PCDHGB2: variants seen among roughly 807,000 people sequenced by gnomAD.
PCDHGB2 encodes the protein protocadherin gamma-B2.
A neutral mutation model predicts 59.3 loss-of-function variants in PCDHGB2; 55 were observed. That is an observed-to-expected ratio of 0.93 (90% CI 0.75 to 1.16). The LOEUF (loss-of-function observed/expected upper bound fraction) is 1.16. PCDHGB2 is among the 50% of genes most tolerant of loss of function. PCDHGB2 has a pLI of 0.00. For synonymous variants in PCDHGB2, 516 were observed against 512.0 expected, an observed-to-expected ratio of 1.01 and a Z score of -0.11; for missense variants, 1,228 against 1,198.5, an observed-to-expected ratio of 1.02 and a Z score of -0.36.
chr5:141,360,352 G>T lies in PCDHGB2; in HGVS notation c.217G>T (p.Glu73Ter), dbSNP rs1361866062. 6.2e-7 allele frequency: 1 copy of T among 1,613,894 alleles called. No individual in the cohort carries two copies. The highest frequency in any genetic ancestry group is 1.7e-5 in the Admixed American group (1 of 60,024). ...GAAGCTGCGGGTTAGCGCGGAGAAG[G>T]AATATTTCACAGTAAACCCAGAAAG... ...ARKLRVSAEK[E>*]YFTVNPESGD... Residue 73 changes from glutamate (E) to a stop codon, truncating the protein, a stop_gained, in exon 1 of 4, where the codon GAA becomes TAA. Coordinates refer to ENST00000522605, the MANE Select transcript of PCDHGB2 (RefSeq NM_018923.3). LOFTEE classifies it high-confidence loss of function.
chr5:141,388,447 G>C (rs775979306), intron 1 of PCDHGB2: 2 of 1,613,802 alleles, frequency 1.2e-6, no homozygotes, highest in Non-Finnish European at 1.7e-6. Flanking sequence ...AAATCAGATG[G>C]CAGTAAATAC....
At position 141,403,513 on chromosome 5, in the gene PCDHGB2, T is replaced by G. The variant is rs754840157; in HGVS notation, c.2421+40957T>G. ...CCCTGAACGTGCAGACTGGAGACAATGGAGCCATAAACCCAGAGCTGGTGC... is the reference window on the plus strand; with the variant it reads ...CCCTGAACGTGCAGACTGGAGACAAGGGAGCCATAAACCCAGAGCTGGTGC... On this transcript the variant is annotated intron_variant, in intron 1 of 3. Coordinates refer to ENST00000522605, the MANE Select transcript of PCDHGB2 (RefSeq NM_018923.3). 8.1e-5 allele frequency: 131 copies of G among 1,613,832 alleles called. 1 individual carries two copies. In the African/African-American group the frequency reaches 1.2e-3, roughly 15 times the overall value.
chr5:141,414,556 T>G, intron 1 of PCDHGB2: 2 of 1,613,990 alleles, frequency 1.2e-6, no homozygotes, highest in Non-Finnish European at 1.7e-6. Flanking sequence ...TCAAGTCTCC[T>G]ACTTTACCTA....
rs757926227 is a variant in PCDHGB2, at chr5:141,432,889, G to A, written c.2422-61918G>A. 1.6e-5 allele frequency: 26 copies of A among 1,614,180 alleles called. No individual in the cohort carries two copies. In the East Asian group the frequency reaches 5.8e-4, roughly 36 times the overall value. On this transcript the variant is annotated intron_variant, in intron 1 of 3. Transcript: ENST00000522605. This position sits in a 1 kb window ranked among gnomAD's most constrained non-coding sequence, Gnocchi z 6.0. ...GCGTCTTCCTGGCCTTCGTCATCTT[G>A]CTGCTGGCGCTCAGGCTGCGGCGCT...
At position 141,362,242 on chromosome 5, in the gene PCDHGB2, T is replaced by C. The variant is rs759010180; in HGVS notation, c.2107T>C (p.Phe703Leu). 12 of 1,613,924 alleles carry C rather than the reference T, an allele frequency of 7.4e-6. No homozygotes were observed. The South Asian group carries it at 8.8e-5, about 12-fold the overall frequency. The change falls in exon 1 of 4, where the codon TTC (phenylalanine) becomes CTC (leucine). Residue 703 changes from phenylalanine to leucine, a missense_variant. Physicochemically the swap from Phe to Leu is conservative, Grantham distance 22. Transcript: ENST00000522605. ...GGCCTTGGCCTTGATCTCAGTGCTC[T>C]TCTTCCTCGCGGTGATTCTGGCAAT... is the stretch of plus-strand genomic sequence containing the variant. ...VVALALISVL[F>L]FLAVILAISL...
rs188953728 is a variant in PCDHGB2, at chr5:141,448,550, T to A, written c.2422-46257T>A. Among the ~76,000 whole-genome samples, 304 of 152,316 alleles carry A rather than the reference T, an allele frequency of 2.0e-3. 1 individual carries two copies. Among genetic ancestry groups the A allele is most frequent in the African/African-American group, 6.6e-3 (275 of 41,578 alleles). On this transcript the variant is annotated intron_variant, in intron 1 of 3. Transcript: ENST00000522605. ...CCTGTCAGCATTTCTTATGCAAATA[T>A]GTACATATATTTTTATTTCCCCATT...
At position 141,390,023 on chromosome 5, in the gene PCDHGB2, G is replaced by C. The variant is rs2092020127; in HGVS notation, c.2421+27467G>C. ...TGATTCTGGCCATTGCCTTGCGCCT[G>C]CGACGCTCCTCCAGCCCCGCCTCCT... On this transcript the variant is annotated intron_variant, in intron 1 of 3. Transcript: ENST00000522605. The C allele has an allele frequency of 1.9e-6, 3 of 1,613,908 alleles. No individual in the cohort carries two copies. In the African/African-American group the frequency reaches 4.0e-5, roughly 22 times the overall value.
chr5:141,470,969 A>T (rs62379203), intron 1 of PCDHGB2, among the ~76,000 whole-genome samples: 1 of 151,298 alleles, frequency 6.6e-6, no homozygotes, highest in Non-Finnish European at 1.5e-5. Flanking sequence ...CTCCCACCTC[A>T]GCCTCCCAAA....
Position 141,491,300 on chromosome 5 carries a change from G to A in PCDHGB2, c.2422-3507G>A, listed in dbSNP as rs2099710472. On this transcript the variant is annotated intron_variant, in intron 1 of 3. Coordinates refer to ENST00000522605, the MANE Select transcript of PCDHGB2 (RefSeq NM_018923.3). This position sits in a 1 kb window ranked among gnomAD's most constrained non-coding sequence, Gnocchi z 6.9. ...GACTTCCTCATACACCCTCCTGAGC[G>A]TTCAGACCTTACCCTTTACCTCATT... 1 of 1,614,136 alleles carries A rather than the reference G, an allele frequency of 6.2e-7. No homozygotes were observed. The highest frequency in any genetic ancestry group is 1.1e-5 in the South Asian group (1 of 91,086).
intron 1 of PCDHGB2, among the ~76,000 whole-genome samples, chr5:141,436,350 C>T (rs1034303123): frequency 5.9e-5 from 9 of 152,126 alleles, no homozygotes; most frequent in Non-Finnish European, 1.3e-4. Flanking sequence ...TCAGTGACTT[C>T]AATCAACTAT....
intron 1 of PCDHGB2, chr5:141,390,391 T>C: frequency 7.1e-7 from 1 of 1,399,002 alleles, no homozygotes; most frequent in Non-Finnish European, 9.8e-7. Flanking sequence ...ATGTCATGGA[T>C]CATTTTAGGA....
At chr5:141,430,911 A>T (rs544678317) in intron 1 of PCDHGB2, 4 of 1,607,840 alleles carry the variant, frequency 2.5e-6, no homozygotes, top group Non-Finnish European at 3.4e-6. Context: ...ATCTCCAGGG[A>T]CCTGGGGCTG....
Position 141,487,928 on chromosome 5 carries a change from A to G in PCDHGB2, c.2422-6879A>G. Reference sequence around the variant, plus strand: ...GGGAGCACAGGAGGCTACAGTGCACAGGGTACAGTGCACCAGGCAGTCACT... The same window carrying G: ...GGGAGCACAGGAGGCTACAGTGCACGGGGTACAGTGCACCAGGCAGTCACT... On this transcript the variant is annotated intron_variant, in intron 1 of 3. Transcript: ENST00000522605. The surrounding 1 kb of genome is among the most constrained non-coding windows in gnomAD (Gnocchi z 5.0). The G allele has an allele frequency of 3.2e-6, 2 of 620,886 alleles. No homozygotes were observed. The highest frequency in any genetic ancestry group is 5.6e-6 in the Non-Finnish European group (2 of 355,916). The allele number at this position is 620,886 out of a possible 1,614,324, so 38.5% of individuals were successfully genotyped here. A position where few individuals can be genotyped will look rare whatever the true frequency, so the allele number is the denominator to read the frequency against.
chr5:141,468,351 A>T (rs1030472813), intron 1 of PCDHGB2: 1 of 149,190 alleles, frequency 6.7e-6, no homozygotes, highest in East Asian at 2.0e-4. Flanking sequence ...AAAAAAAAAG[A>T]AAGAAAAAAG....
At chr5:141,383,175 G>A in intron 1 of PCDHGB2, 1 of 1,614,114 alleles carries the variant, frequency 6.2e-7, no homozygotes, top group Non-Finnish European at 8.5e-7. Flanking sequence ...GGATAGACCG[G>A]GAAGAGATCT....
intron 1 of PCDHGB2, among the ~76,000 whole-genome samples, chr5:141,381,235 C>T (rs760639728): frequency 6.6e-6 from 1 of 152,270 alleles, no homozygotes; most frequent in Non-Finnish European, 1.5e-5. Context: ...ACCAACTACT[C>T]TCCAGGACCT....
chr5:141,446,469 T>C (rs538381725), intron 1 of PCDHGB2, among the ~76,000 whole-genome samples: 2 of 149,740 alleles, frequency 1.3e-5, no homozygotes, highest in South Asian at 4.2e-4. Flanking sequence ...TGATTAGACA[T>C]ATGGTCATCA....
Position 141,487,399 on chromosome 5 carries a change from G to A in PCDHGB2, c.2422-7408G>A. 1.2e-6 allele frequency: 2 copies of A among 1,614,140 alleles called. No homozygotes were observed. Among genetic ancestry groups the A allele is most frequent in the South Asian group, 1.1e-5 (1 of 91,088 alleles). On this transcript the variant is annotated intron_variant, in intron 1 of 3. Coordinates refer to ENST00000522605, the MANE Select transcript of PCDHGB2 (RefSeq NM_018923.3). The surrounding 1 kb of genome is among the most constrained non-coding windows in gnomAD (Gnocchi z 5.0). ...TCACCAGATCTCGAAGGAGGGAGGGGCTTCCCCCTTCCAATGGGATCCTCC... is the reference window on the plus strand; with the variant it reads ...TCACCAGATCTCGAAGGAGGGAGGGACTTCCCCCTTCCAATGGGATCCTCC...
chr5:141,361,237 T>C lies in PCDHGB2; in HGVS notation c.1102T>C (p.Leu368=), dbSNP rs1419156322. 4 of 1,613,848 alleles carry C rather than the reference T, an allele frequency of 2.5e-6. No individual in the cohort carries two copies. The highest frequency in any genetic ancestry group is 3.4e-6 in the Non-Finnish European group (4 of 1,179,886). The part of the protein sequence containing the change: ...EDSPPGTVIA[L]IKTRDRDSGE... ...TTCGCCACCAGGAACAGTGATCGCCTTGATAAAAACGAGAGACAGAGACTC... is the reference window on the plus strand; with the variant it reads ...TTCGCCACCAGGAACAGTGATCGCCCTGATAAAAACGAGAGACAGAGACTC... Residue 368 remains leucine, a synonymous_variant, in exon 1 of 4, where the codon TTG becomes CTG. Coordinates refer to ENST00000522605, the MANE Select transcript of PCDHGB2 (RefSeq NM_018923.3).
Sources: gnomAD v4.1 joint callset for allele counts (sites outside exome capture counted in the v4.1 genomes callset) on GRCh38, gnomAD v4.1.1 for gene constraint, Gnocchi (gnomAD v3.1) non-coding constraint, MANE v1.5 for transcripts, NCBI Gene and HGNC (gene_info 2026-07-23, HGNC 2026-07-21) for gene names.